Variants in AK4 observed in about 807,000 individuals in gnomAD.
The protein encoded by AK4 is adenylate kinase 4, mitochondrial.
In AK4, 13 loss-of-function variants were observed where a neutral mutation model predicts 24.6. The observed-to-expected ratio is 0.53, with a 90% confidence interval of 0.34 to 0.84. AK4 has a LOEUF of 0.84. Ranked by LOEUF, AK4 falls within the 40% of genes least tolerant of loss-of-function variation. The pLI is 0.01. For missense variants in AK4, 192 were observed against 288.2 expected (o/e 0.67, Z 2.42); for synonymous variants, 88 against 107.0 (o/e 0.82, Z 1.10).
chr1:65,202,866 C>CTTT (rs34143736), intron 2 of AK4, among the ~76,000 whole-genome samples: 2,212 of 91,758 alleles, frequency 0.024, 136 homozygotes, highest in East Asian at 0.08. Flanking sequence ...GCTGTGTAGT[C>CTTT]TTTTTTTTTT....
intron 1 of AK4, among the ~76,000 whole-genome samples, chr1:65,166,807 C>T (rs968172108): frequency 6.6e-6 from 1 of 152,182 alleles, no homozygotes; most frequent in Non-Finnish European, 1.5e-5. Flanking sequence ...AGATGTGAGC[C>T]ACTGGGGCTG....
Position 65,202,866 on chromosome 1 carries a change from C to CTTTTTTTT in AK4, c.265+12053_265+12060dup, listed in dbSNP as rs34143736. 1.3e-4 allele frequency among the ~76,000 whole-genome samples: 12 copies of CTTTTTTTT among 91,814 alleles called. 1 individual carries two copies. Among genetic ancestry groups the CTTTTTTTT allele is most frequent in the African/African-American group, 3.8e-4 (9 of 23,798 alleles). The allele number at this position is 91,814 out of a possible 152,430, so 60.2% of individuals were successfully genotyped here. On this transcript the variant is annotated intron_variant, in intron 2 of 4. Coordinates refer to ENST00000327299, the MANE Select transcript of AK4 (RefSeq NM_013410.4). ...TGTAACTTACAAGCTGCTGTGTAGT[C>CTTTTTTTT]TTTTTTTTTTTTTTTTTTTTTTTAA... is the stretch of plus-strand genomic sequence containing the variant.
chr1:65,225,987 T>C (rs1444178008), intron 4 of AK4, 76 bp from the exon 5 acceptor site: 1 of 1,473,680 alleles, frequency 6.8e-7, no homozygotes, highest in East Asian at 2.3e-5. Context: ...ATGCTTGTTT[T>C]ATATCTAGGA....
At chr1:65,176,172 T>G (rs577717254) in intron 1 of AK4, among the ~76,000 whole-genome samples, 1 of 152,302 alleles carries the variant, frequency 6.6e-6, no homozygotes, top group East Asian at 1.9e-4. Context: ...CTGGATATCC[T>G]TTGTGCTTAG....
chr1:65,169,052 G>A (rs1650424040), intron 1 of AK4, among the ~76,000 whole-genome samples: 1 of 151,668 alleles, frequency 6.6e-6, no homozygotes, highest in Admixed American at 6.6e-5. Flanking sequence ...GGTGTACCCC[G>A]GTAGTCCCAG....
At chr1:65,184,285 A>G (rs930265395) in intron 1 of AK4, among the ~76,000 whole-genome samples, 23 of 152,212 alleles carry the variant, frequency 1.5e-4, no homozygotes, top group African/African-American at 5.1e-4. Context: ...CTTTCTCTCT[A>G]TATGAACACA....
chr1:65,199,481 G>A (rs532910150), intron 2 of AK4, among the ~76,000 whole-genome samples: 4 of 151,770 alleles, frequency 2.6e-5, no homozygotes, highest in African/African-American at 4.8e-5. Context: ...CCTGGGAGGC[G>A]GAGGTTGCAG....
intron 1 of AK4, among the ~76,000 whole-genome samples, chr1:65,184,529 TTGTGTGTGTGATG>T (rs1429289151): frequency 1.3e-5 from 2 of 152,168 alleles, no homozygotes; most frequent in African/African-American, 4.8e-5. Context: ...TCTGAATTAT[TTGTGTGTGTGATG>T]TGTGTGTGTG....
intron 2 of AK4, among the ~76,000 whole-genome samples, chr1:65,198,012 A>G (rs1001973110): frequency 2.0e-5 from 3 of 152,238 alleles, no homozygotes; most frequent in African/African-American, 4.8e-5. Flanking sequence ...AGGTTACTGA[A>G]GAATTCTGCT....
intron 1 of AK4, among the ~76,000 whole-genome samples, chr1:65,183,128 CA>C (rs1223918108): frequency 6.6e-6 from 1 of 152,120 alleles, no homozygotes; most frequent in East Asian, 1.9e-4. Flanking sequence ...ATTCAAACCA[CA>C]AAACTAACCA....
intron 2 of AK4, among the ~76,000 whole-genome samples, chr1:65,218,518 T>C (rs570529379): frequency 3.9e-3 from 601 of 152,360 alleles, no homozygotes; most frequent in Non-Finnish European, 7.0e-3. Context: ...TGGTTAAAGC[T>C]CATTTTTAAA....
chr1:65,225,870 A>G (rs1426553494), intron 4 of AK4, among the ~76,000 whole-genome samples, 193 bp from the exon 5 acceptor site: 3 of 152,218 alleles, frequency 2.0e-5, no homozygotes, highest in Non-Finnish European at 4.4e-5. Flanking sequence ...GCATACCAGA[A>G]TTGCAAAAGC....
rs753229457 is a variant in AK4, at chr1:65,190,846, G to A, written c.265+17G>A. 2 of 1,611,052 alleles carry A rather than the reference G, an allele frequency of 1.2e-6. No individual in the cohort carries two copies. Among genetic ancestry groups the A allele is most frequent in the South Asian group, 2.2e-5 (2 of 90,200 alleles). On this transcript the variant is annotated intron_variant, in intron 2 of 4. Coordinates refer to ENST00000327299, the MANE Select transcript of AK4 (RefSeq NM_013410.4). ...TCCTTGATGGTGAGTTGAAACTGTG[G>A]GTAAACCGAATTTCTGGGAATAGTC...
intron 2 of AK4, among the ~76,000 whole-genome samples, chr1:65,206,975 A>G (rs550080948): frequency 2.0e-5 from 3 of 152,228 alleles, no homozygotes; most frequent in African/African-American, 7.2e-5. Context: ...TTCAGGAAAA[A>G]TCCTCGCGAT....
intron 2 of AK4, among the ~76,000 whole-genome samples, chr1:65,196,041 G>A (rs1651459527): frequency 6.6e-6 from 1 of 152,032 alleles, no homozygotes; most frequent in Non-Finnish European, 1.5e-5. Context: ...AACCCATCTG[G>A]TCACTTTTTC....
chr1:65,176,413 C>G (rs1176265276), intron 1 of AK4, among the ~76,000 whole-genome samples: 2 of 152,246 alleles, frequency 1.3e-5, no homozygotes, highest in Non-Finnish European at 2.9e-5. Flanking sequence ...AGGAAGCGTT[C>G]TAGGGAAAGT....
At chr1:65,206,237 G>A (rs537457814) in intron 2 of AK4, among the ~76,000 whole-genome samples, 12 of 152,316 alleles carry the variant, frequency 7.9e-5, no homozygotes, top group African/African-American at 2.4e-4. Flanking sequence ...ACCTATAACA[G>A]TGCTTGGCAT....
intron 1 of AK4, among the ~76,000 whole-genome samples, chr1:65,156,554 G>A (rs934086038): frequency 3.3e-5 from 5 of 151,918 alleles, no homozygotes; most frequent in African/African-American, 1.2e-4. Flanking sequence ...TTTTTAACAC[G>A]TTTGAAAATT....
intron 4 of AK4, among the ~76,000 whole-genome samples, chr1:65,225,636 G>A (rs1316077925): frequency 6.6e-6 from 1 of 152,124 alleles, no homozygotes; most frequent in Admixed American, 6.5e-5. Context: ...TGGCCTTGTA[G>A]TCCCCCCCAA....
Sources: allele counts gnomAD v4.1 joint callset (sites outside exome capture counted in the v4.1 genomes callset), GRCh38; gene constraint gnomAD v4.1.1; transcripts MANE v1.5; gene names NCBI Gene and HGNC (gene_info 2026-07-23, HGNC 2026-07-21).